HMCN2: variants seen among roughly 807,000 people sequenced by gnomAD.
The protein encoded by HMCN2 is hemicentin-2.
In HMCN2, 325 loss-of-function variants were observed where a neutral mutation model predicts 377.5. The ratio of observed to expected loss-of-function variants is 0.86; its 90% CI spans 0.79 to 0.94. The LOEUF (loss-of-function observed/expected upper bound fraction) is 0.94, where lower values mean the gene tolerates loss of function less well. Among genes scored for constraint, HMCN2 ranks in the 40% least tolerant of loss-of-function variants. HMCN2 has a pLI of 0.00. For missense variants in HMCN2, 4,543 were observed against 4,725.3 expected (o/e 0.96, Z 1.13); for synonymous variants, 2,007 against 2,046.8 (o/e 0.98, Z 0.53).
At position 130,382,747 on chromosome 9, in the gene HMCN2, G is replaced by A. The variant is rs749554436; in HGVS notation, c.8614G>A (p.Val2872Ile). Reference sequence around the variant, plus strand: ...GGTGACAGTCAATGCCAGCAGCACCGTCAGCCTGCAGTGCCCGGCCCTGGG... The same window carrying A: ...GGTGACAGTCAATGCCAGCAGCACCATCAGCCTGCAGTGCCCGGCCCTGGG... Reference protein sequence around the residue: ...EEVTVNASSTVSLQCPALGNP... With the variant: ...EEVTVNASSTISLQCPALGNP... Residue 2872 changes from valine (V) to isoleucine (I), a missense_variant, in exon 56 of 98, where the codon GTC becomes ATC. Physicochemically the swap from Val to Ile is conservative, Grantham distance 29. Coordinates refer to ENST00000683500, the MANE Select transcript of HMCN2 (RefSeq NM_001291815.2). The A allele has an allele frequency of 5.5e-5, 54 of 983,952 alleles. No homozygotes were observed. The highest frequency in any genetic ancestry group is 2.9e-4 in the South Asian group (6 of 21,014). The allele number at this position is 983,952 out of a possible 1,614,324, so 61.0% of individuals were successfully genotyped here.
intron 15 of HMCN2, among the ~76,000 whole-genome samples, chr9:130,311,442 C>T (rs1312115670): frequency 6.6e-6 from 1 of 152,178 alleles, no homozygotes; most frequent in African/African-American, 2.4e-5. Context: ...ACCAGGTGCT[C>T]GTGTGCCAGG....
intron 95 of HMCN2, 26 bp downstream of exon 95, chr9:130,430,630 G>T: frequency 6.5e-7 from 1 of 1,527,214 alleles, no homozygotes; most frequent in South Asian, 1.2e-5. Flanking sequence ...GACCATCCAC[G>T]GGACACTGCC....
rs1181827876 is a variant in HMCN2 at position 130,432,491 on chromosome 9, C to A, written c.14830C>A (p.Arg4944Ser). The A allele has an allele frequency of 6.4e-7, 1 of 1,550,666 alleles. No individual in the cohort carries two copies. The highest frequency in any genetic ancestry group is 2.0e-5 in the Admixed American group (1 of 50,996). ...CGPGQMCFNT[R>S]GSYQCVDTPC... The stretch of plus-strand genomic sequence containing the variant: ...ACCCGGCCAGATGTGCTTCAACACC[C>A]GTGGCAGCTACCAGTGTGTGGACAC... The change falls in exon 97 of 98, where the codon CGT (arginine) becomes AGT (serine). Residue 4944 changes from arginine to serine, a missense_variant. Physicochemically the swap from Arg to Ser is moderately radical, Grantham distance 110. Transcript: ENST00000683500.
At position 130,422,829 on chromosome 9, in the gene HMCN2, G is replaced by A. The variant is rs762847064; in HGVS notation, c.13381+103G>A. The A allele has an allele frequency of 1.5e-4, 151 of 999,132 alleles. No homozygotes were observed. Among genetic ancestry groups the A allele is most frequent in the Non-Finnish European group, 1.9e-4 (148 of 772,046 alleles). 61.9% of individuals were successfully genotyped at this position (999,132 alleles called of 1,614,324 possible). ...CTAGGAGGCGCAGAGCCTGTGCCCC[G>A]AGACTTGCTCAAGGCCTGATGACCA... is the stretch of plus-strand genomic sequence containing the variant. On this transcript the variant is annotated intron_variant, in intron 87 of 97. Transcript: ENST00000683500. This position sits in a 1 kb window ranked among gnomAD's most constrained non-coding sequence, Gnocchi z 4.2.
At chr9:130,377,877 C>A in intron 53 of HMCN2, 78 bp downstream of exon 53, 1 of 951,212 alleles carries the variant, frequency 1.1e-6, no homozygotes, top group Non-Finnish European at 1.3e-6. Flanking sequence ...CGCAGGCCCC[C>A]ACCATGTGTC....
Position 130,394,976 on chromosome 9 carries a change from A to G in HMCN2, c.10693-51A>G. On this transcript the variant is annotated intron_variant, in intron 69 of 97. Transcript: ENST00000683500. This position sits in a 1 kb window ranked among gnomAD's most constrained non-coding sequence, Gnocchi z 5.1. ...TGCATGAGAAAGAAACCAGATTGGG[A>G]GGCGGGCAGAGAGGGGCCAGGGGCA... 8.7e-7 allele frequency: 1 copy of G among 1,148,778 alleles called. No homozygotes were observed. The highest frequency in any genetic ancestry group is 1.1e-6 in the Non-Finnish European group (1 of 875,372). 71.2% of individuals were successfully genotyped at this position (1,148,778 alleles called of 1,614,324 possible).
At chr9:130,289,192 A>G (rs1466127445) in intron 4 of HMCN2, among the ~76,000 whole-genome samples, 1 of 152,152 alleles carries the variant, frequency 6.6e-6, no homozygotes, top group Non-Finnish European at 1.5e-5. Flanking sequence ...CCCCCACCCC[A>G]CAACTCACAC....
In HMCN2 at chr9:130,303,476, C is replaced by G. The variant is rs1440174119; in HGVS notation, c.1422-11C>G. ...TGTGATTGTGTGTCTCCCACTGTTCCCTGTTTGCAGGGAGTCGGGAAACAG... is the reference window on the plus strand; with the variant it reads ...TGTGATTGTGTGTCTCCCACTGTTCGCTGTTTGCAGGGAGTCGGGAAACAG... On this transcript the variant is annotated splice_polypyrimidine_tract_variant and intron_variant, in intron 9 of 97. Transcript: ENST00000683500. The surrounding 1 kb of genome is among the most constrained non-coding windows in gnomAD (Gnocchi z 5.2). 2.2e-6 allele frequency: 1 copy of G among 448,052 alleles called. No homozygotes were observed. Among genetic ancestry groups the G allele is most frequent in the Non-Finnish European group, 4.7e-6 (1 of 213,770 alleles). The allele number at this position is 448,052 out of a possible 1,614,324, so 27.8% of individuals were successfully genotyped here.
rs1173318579 is a variant in HMCN2, at chr9:130,393,962, G to T, written c.10455G>T (p.Val3485=). The change falls in exon 68 of 98, where the codon GTG becomes GTT. Residue 3485 remains valine, a synonymous_variant. Transcript: ENST00000683500. The surrounding 1 kb of genome is among the most constrained non-coding windows in gnomAD (Gnocchi z 5.2). The stretch of plus-strand genomic sequence containing the variant: ...CGGGGACCTACTCCTGTGTGGCCGT[G>T]AGCGAGGCGGGGGAAGCCAGGAGGC... ...GDSGTYSCVA[V]SEAGEARRHF... 13 of 1,284,638 alleles carry T rather than the reference G, an allele frequency of 1.0e-5. No homozygotes were observed. The South Asian group carries it at 1.5e-4, about 15-fold the overall frequency. The allele number at this position is 1,284,638 out of a possible 1,614,324, so 79.6% of individuals were successfully genotyped here. A position where few individuals can be genotyped will look rare whatever the true frequency, so the allele number is the denominator to read the frequency against.
rs11794670 is a variant in HMCN2 at position 130,386,536 on chromosome 9, A to G, written c.9391+12A>G. On this transcript the variant is annotated intron_variant, in intron 61 of 97. Coordinates refer to ENST00000683500, the MANE Select transcript of HMCN2 (RefSeq NM_001291815.2). Reference sequence around the variant, plus strand: ...CCTCACCGTCCAGGGTAAGCCAGGGACCAGCCTAGCCAACGTGACTGTGGA... The same window carrying G: ...CCTCACCGTCCAGGGTAAGCCAGGGGCCAGCCTAGCCAACGTGACTGTGGA... 25 of 1,301,132 alleles carry G rather than the reference A, an allele frequency of 1.9e-5. No homozygotes were observed. Among genetic ancestry groups the G allele is most frequent in the Admixed American group, 2.3e-5 (1 of 43,420 alleles). The allele number at this position is 1,301,132 out of a possible 1,614,324, so 80.6% of individuals were successfully genotyped here.
At chr9:130,293,631 G>A (rs1289176823) in intron 4 of HMCN2, among the ~76,000 whole-genome samples, 1 of 152,084 alleles carries the variant, frequency 6.6e-6, no homozygotes, top group African/African-American at 2.4e-5. Context: ...CTTGAGGTCA[G>A]CCTGATAGCT....
chr9:130,327,151 T>TC, intron 21 of HMCN2, among the ~76,000 whole-genome samples, 159 bp from the exon 22 acceptor site: 1 of 151,696 alleles, frequency 6.6e-6, no homozygotes, highest in East Asian at 1.9e-4. Flanking sequence ...CAATCTGGAC[T>TC]CCCCCCCTTC....
At chr9:130,358,855 T>C (rs1840198005) in intron 36 of HMCN2, among the ~76,000 whole-genome samples, 1 of 152,158 alleles carries the variant, frequency 6.6e-6, no homozygotes, top group Non-Finnish European at 1.5e-5. Flanking sequence ...TTTGTATTTT[T>C]AGTAGCGACG....
chr9:130,433,451 G>T lies in HMCN2; in HGVS notation c.14998G>T (p.Val5000Leu), dbSNP rs774305238. Reference protein sequence around the residue: ...LPLGVRAHHDVARLTAFSEVG... With the variant: ...LPLGVRAHHDLARLTAFSEVG... The stretch of plus-strand genomic sequence containing the variant: ...CCTGGGCGTGCGCGCCCACCACGAC[G>T]TGGCCCGCCTCACCGCCTTCTCCGA... Residue 5000 changes from valine to leucine, a missense_variant, in exon 98 of 98, where the codon GTG (valine) becomes TTG (leucine). Physicochemically the swap from Val to Leu is conservative, Grantham distance 32. Around this residue, in one of 5 missense-constraint regions of HMCN2, gnomAD observed 1,155 missense variants for 1,157.7 expected, o/e 1.00. Coordinates refer to ENST00000683500, the MANE Select transcript of HMCN2 (RefSeq NM_001291815.2). The T allele has an allele frequency of 3.2e-5, 48 of 1,498,236 alleles. 1 individual carries two copies. In the South Asian group the frequency reaches 5.6e-4, roughly 18 times the overall value. The allele number at this position is 1,498,236 out of a possible 1,614,324, so 92.8% of individuals were successfully genotyped here.
chr9:130,377,733 C>T lies in HMCN2; in HGVS notation c.8146C>T (p.Arg2716Trp), dbSNP rs913348245. ...IQPTQVSDSGRYLCVATNVAG... is the reference protein window; with the variant it reads ...IQPTQVSDSGWYLCVATNVAG... The stretch of plus-strand genomic sequence containing the variant: ...GCCCACACAGGTCTCAGACTCGGGG[C>T]GGTACCTGTGTGTGGCCACCAATGT... Residue 2716 changes from arginine (R) to tryptophan (W), a missense_variant, in exon 53 of 98, where the codon CGG becomes TGG. Around this residue, in one of 5 missense-constraint regions of HMCN2, gnomAD observed 736 missense variants for 773.2 expected, o/e 0.95. Transcript: ENST00000683500. 40 of 985,784 alleles carry T rather than the reference C, an allele frequency of 4.1e-5. No individual in the cohort carries two copies. The highest frequency in any genetic ancestry group is 1.1e-4 in the East Asian group (1 of 8,814). The allele number at this position is 985,784 out of a possible 1,614,324, so 61.1% of individuals were successfully genotyped here. A position where few individuals can be genotyped will look rare whatever the true frequency, so the allele number is the denominator to read the frequency against.
intron 27 of HMCN2, 54 bp from the exon 28 acceptor site, chr9:130,348,929 TG>T: frequency 2.3e-6 from 3 of 1,281,440 alleles, no homozygotes; most frequent in Admixed American, 2.3e-5. Flanking sequence ...TTACTGATGC[TG>T]GGGGTGGTGG....
chr9:130,329,269 C>A (rs1316866908), intron 22 of HMCN2, among the ~76,000 whole-genome samples: 4 of 152,152 alleles, frequency 2.6e-5, no homozygotes, highest in African/African-American at 9.7e-5. Context: ...GCTTCTGTCA[C>A]CTAACTCAAT....
intron 21 of HMCN2, 51 bp from the exon 22 acceptor site, chr9:130,327,259 G>A (rs1838191256): frequency 6.6e-6 from 1 of 152,352 alleles, no homozygotes; most frequent in South Asian, 2.1e-4. Context: ...GGCGCTCATG[G>A]ACCCTAGTCC....
At chr9:130,270,942 GTCT>G (rs1198283978) in intron 1 of HMCN2, among the ~76,000 whole-genome samples, 1 of 148,778 alleles carries the variant, frequency 6.7e-6, no homozygotes, top group East Asian at 1.9e-4. Context: ...CATTAATTGT[GTCT>G]TCTTCAGCTC....
Sources: gnomAD v4.1 joint callset for allele counts (sites outside exome capture counted in the v4.1 genomes callset) on GRCh38, gnomAD v4.1.1 for gene constraint, gnomAD v4.1.1 regional missense constraint, Gnocchi (gnomAD v3.1) non-coding constraint, MANE v1.5 for transcripts, NCBI Gene and HGNC (gene_info 2026-07-23, HGNC 2026-07-21) for gene names.